The following CTR9 variants were observed in gnomAD, a reference collection of about 807,000 sequenced individuals.
The protein encoded by CTR9 is CTR9 component of Paf1/RNA polymerase II complex, also known as RNA polymerase-associated protein CTR9 homolog.
In CTR9, 41 loss-of-function variants were observed where a neutral mutation model predicts 152.1. The ratio of observed to expected loss-of-function variants is 0.27; its 90% CI spans 0.21 to 0.35. The LOEUF is 0.35. Among genes scored for constraint, CTR9 ranks in the 10% least tolerant of loss-of-function variants. The probability of loss-of-function intolerance (pLI) is 1.00; values close to 1 mark genes in which losing one functional copy is unlikely to be tolerated. For synonymous variants in CTR9, 476 were observed against 496.2 expected, an observed-to-expected ratio of 0.96 and a Z score of 0.54; for missense variants, 917 against 1,424.4, an observed-to-expected ratio of 0.64 and a Z score of 5.73.
intron 7 of CTR9, among the ~76,000 whole-genome samples, chr11:10,763,202 T>C (rs565014423): frequency 2.7e-5 from 4 of 146,360 alleles, no homozygotes; most frequent in South Asian, 2.3e-4. Context: ...TTAATAGTTA[T>C]GTGACCTTAG....
At chr11:10,763,984 G>A in intron 9 of CTR9, 105 bp downstream of exon 9, 1 of 1,326,824 alleles carries the variant, frequency 7.5e-7, no homozygotes, top group Non-Finnish European at 1.1e-6. Flanking sequence ...AAACAGTTTT[G>A]TTAGCTGAGC....
chr11:10,764,293 A>T lies in CTR9; in HGVS notation c.1285-15A>T, dbSNP rs1219830895. 2 of 1,613,820 alleles carry T rather than the reference A, an allele frequency of 1.2e-6. No individual in the cohort carries two copies. The highest frequency in any genetic ancestry group is 2.7e-5 in the African/African-American group (2 of 74,890). On this transcript the variant is annotated splice_polypyrimidine_tract_variant and intron_variant, in intron 10 of 24. Transcript: ENST00000361367. ...CTTCCACTTACACCTTTTTCTGTCAATCATGAAAATACAGGGTGCCCTTTC... is the reference window on the plus strand; with the variant it reads ...CTTCCACTTACACCTTTTTCTGTCATTCATGAAAATACAGGGTGCCCTTTC...
intron 5 of CTR9, among the ~76,000 whole-genome samples, chr11:10,758,247 A>G (rs1862918002): frequency 1.3e-5 from 2 of 152,152 alleles, no homozygotes; most frequent in Admixed American, 6.5e-5. Context: ...CCTATATTTA[A>G]AAGGTTCGTT....
intron 22 of CTR9, among the ~76,000 whole-genome samples, chr11:10,774,489 G>A (rs1044958387): frequency 6.6e-6 from 1 of 152,228 alleles, no homozygotes; most frequent in African/African-American, 2.4e-5. Context: ...AACTGTGCAT[G>A]TGCAATCTTG....
rs904744860 is a variant in CTR9, at chr11:10,770,504, C to T, written c.2244C>T (p.Pro748=). ...QTLLKARHVA[P]SDTVLMFNVA... ...ATTCACAGGCTAGACATGTGGCACC[C>T]AGTGATACAGTTCTTATGTTTAATG... Residue 748 remains proline, a synonymous_variant, in exon 18 of 25, where the codon CCC becomes CCT. Transcript: ENST00000361367. The T allele has an allele frequency of 6.2e-7, 1 of 1,612,776 alleles. No homozygotes were observed. The highest frequency in any genetic ancestry group is 8.5e-7 in the Non-Finnish European group (1 of 1,179,654).
rs760547706 is a variant in CTR9, at chr11:10,778,792, C to T, written c.3209C>T (p.Ala1070Val). ...DENQNKSGSEAGSPRRPRRQR... is the reference protein window; with the variant it reads ...DENQNKSGSEVGSPRRPRRQR... ...AACCAGAACAAGTCTGGCAGCGAGG[C>T]CGGCAGTCCCCGGAGGCCACGAAGA... The change falls in exon 25 of 25, where the codon GCC becomes GTC. Residue 1070 changes from alanine to valine, a missense_variant. Around this residue, in one of 9 missense-constraint regions of CTR9, gnomAD observed 384 missense variants for 398.4 expected, o/e 0.96. Coordinates refer to ENST00000361367, the MANE Select transcript of CTR9 (RefSeq NM_014633.5). 1.1e-5 allele frequency: 18 copies of T among 1,614,196 alleles called. No homozygotes were observed. Among genetic ancestry groups the T allele is most frequent in the Non-Finnish European group, 1.4e-5 (16 of 1,180,030 alleles).
At chr11:10,757,010 A>G (rs1011208462) in intron 5 of CTR9, among the ~76,000 whole-genome samples, 172 bp downstream of exon 5, 1 of 152,222 alleles carries the variant, frequency 6.6e-6, no homozygotes, top group Non-Finnish European at 1.5e-5. Context: ...TAGTAAGGCC[A>G]GGTGCAATGG....
At chr11:10,764,252 CTGG>C in intron 10 of CTR9, 51 bp downstream of exon 10, 1 of 1,613,304 alleles carries the variant, frequency 6.2e-7, no homozygotes, top group Non-Finnish European at 8.5e-7. Flanking sequence ...TTTTGTAAGC[CTGG>C]TGTAGTGTCT....
chr11:10,765,214 C>T (rs1863041457), intron 12 of CTR9, among the ~76,000 whole-genome samples: 1 of 152,122 alleles, frequency 6.6e-6, no homozygotes, highest in South Asian at 2.1e-4. Flanking sequence ...CATGGTGGCT[C>T]ATGCCTGGAA....
At chr11:10,766,257 G>T (rs1863057667) in intron 12 of CTR9, 145 bp from the exon 13 acceptor site, 1 of 641,172 alleles carries the variant, frequency 1.6e-6, no homozygotes, top group Admixed American at 3.3e-5. Flanking sequence ...TTGGATGGAT[G>T]ATTGATATTT....
intron 16 of CTR9, 38 bp downstream of exon 16, chr11:10,768,529 T>A: frequency 6.4e-7 from 1 of 1,568,304 alleles, no homozygotes. Flanking sequence ...TATATCTTGT[T>A]CATTGTTAAG....
rs116218770 is a variant in CTR9 at position 10,764,691 on chromosome 11, G to A, written c.1557G>A (p.Leu519=). 3,666 of 1,610,740 alleles carry A rather than the reference G, an allele frequency of 2.3e-3. 58 individuals carry two copies. The African/African-American group carries it at 0.036, about 16-fold the overall frequency. The stretch of plus-strand genomic sequence containing the variant: ...GTGAATTCCATGAAGCAGAAAAACT[G>A]TATAAAAACATCTTACGCGAACATC... ...AMCEFHEAEK[L]YKNILREHPN... Residue 519 remains leucine, a synonymous_variant, in exon 12 of 25, where the codon CTG becomes CTA. Coordinates refer to ENST00000361367, the MANE Select transcript of CTR9 (RefSeq NM_014633.5).
chr11:10,766,163 C>G (rs1028059417), intron 12 of CTR9, among the ~76,000 whole-genome samples: 2 of 152,156 alleles, frequency 1.3e-5, no homozygotes, highest in Non-Finnish European at 2.9e-5. Flanking sequence ...GACCAGGGAA[C>G]TAGCATTGGG....
chr11:10,751,369 G>A lies in CTR9; in HGVS notation c.-44G>A. The A allele has an allele frequency of 1.2e-6, 2 of 1,608,034 alleles. No homozygotes were observed. The highest frequency in any genetic ancestry group is 2.2e-5 in the South Asian group (2 of 90,888). On this transcript the variant is annotated 5_prime_UTR_variant, in exon 1 of 25. Transcript: ENST00000361367. ...TAGCCTGAAGCGGAGACTACCGGCT[G>A]CGGAGCGGCGGGGCGAGACACTTGC...
rs760536227 is a variant in CTR9 at position 10,764,247 on chromosome 11, T to C, written c.1284+46T>C. ...AATCTCTCATATGATGTGTTTTTTG[T>C]AAGCCTGGTGTAGTGTCTCTCTTCC... is the stretch of plus-strand genomic sequence containing the variant. On this transcript the variant is annotated intron_variant, in intron 10 of 24. Transcript: ENST00000361367. 4.3e-6 allele frequency: 7 copies of C among 1,613,724 alleles called. 1 individual carries two copies. In the South Asian group the frequency reaches 7.7e-5, roughly 18 times the overall value.
intron 20 of CTR9, 121 bp from the exon 21 acceptor site, chr11:10,773,006 A>C: frequency 8.6e-7 from 1 of 1,159,750 alleles, no homozygotes; most frequent in Non-Finnish European, 1.2e-6. Context: ...CAGTCTAGGC[A>C]ACAGAGTGAG....
intron 24 of CTR9, among the ~76,000 whole-genome samples, chr11:10,777,404 AC>A (rs1863257779): frequency 6.6e-6 from 1 of 151,702 alleles, no homozygotes; most frequent in Non-Finnish European, 1.5e-5. Flanking sequence ...AGCAAAATAA[AC>A]AAACAAAAAA....
rs367908001 is a variant in CTR9 at position 10,778,948 on chromosome 11, G to A, written c.3365G>A (p.Arg1122His). The A allele has an allele frequency of 1.7e-5, 27 of 1,613,982 alleles. No homozygotes were observed. The African/African-American group carries it at 2.4e-4, about 14-fold the overall frequency. The change falls in exon 25 of 25, where the codon CGC becomes CAC. Residue 1122 changes from arginine to histidine, a missense_variant. Around this residue, in one of 9 missense-constraint regions of CTR9, gnomAD observed 384 missense variants for 398.4 expected, o/e 0.96. Transcript: ENST00000361367. ...TCAGGAGTTTCTGAGAACGACTCTC[G>A]CCCAGCTTCTCCAAGTGCCGAATCA... is the stretch of plus-strand genomic sequence containing the variant. ...SHSGVSENDS[R>H]PASPSAESDH...
At chr11:10,754,801 G>T (rs1862859303) in intron 2 of CTR9, among the ~76,000 whole-genome samples, 157 bp from the exon 3 acceptor site, 1 of 152,080 alleles carries the variant, frequency 6.6e-6, no homozygotes, top group Admixed American at 6.5e-5. Context: ...CCATTTTATG[G>T]ATACACCACA....
Sources: gnomAD v4.1 joint callset for allele counts (sites outside exome capture counted in the v4.1 genomes callset) on GRCh38, gnomAD v4.1.1 for gene constraint, gnomAD v4.1.1 regional missense constraint, MANE v1.5 for transcripts, NCBI Gene and HGNC (gene_info 2026-07-23, HGNC 2026-07-21) for gene names.